The following HSH2D variants were observed in gnomAD, a reference collection of about 807,000 sequenced individuals.
HSH2D encodes the protein hematopoietic SH2 domain containing.
Under a neutral mutation model 21.5 loss-of-function variants are expected in HSH2D, and 16 were observed. That is an observed-to-expected ratio of 0.74 (90% CI 0.50 to 1.13). HSH2D has a LOEUF of 1.13. Among genes scored for constraint, HSH2D ranks in the 50% most tolerant of loss-of-function variants. The pLI is 0.00. For missense variants in HSH2D, 418 were observed against 441.4 expected, an observed-to-expected ratio of 0.95 and a Z score of 0.47; for synonymous variants, 172 against 184.7, an observed-to-expected ratio of 0.93 and a Z score of 0.56.
chr19:16,140,897 A>C (rs1275560358), upstream of HSH2D, among the ~76,000 whole-genome samples: 1 of 151,922 alleles, frequency 6.6e-6, no homozygotes, highest in Non-Finnish European at 1.5e-5. Flanking sequence ...TCAAAAAAAA[A>C]AGAAGAAGAA....
At position 16,153,183 on chromosome 19, in the gene HSH2D, A is replaced by G; in HGVS notation, c.356A>G (p.Glu119Gly). The change falls in exon 4 of 6, where the codon GAG becomes GGG. Residue 119 changes from glutamate to glycine, a missense_variant. Coordinates refer to ENST00000613986, the MANE Select transcript of HSH2D (RefSeq NM_001382417.1). ...HQQKPIEPRR[E>G]LLTQPCRQKD... ...CAGAAGCCAATTGAGCCGCGCAGGG[A>G]GCTGCTGACACAGCCCTGCAGGCAG... 1 of 1,557,890 alleles carries G rather than the reference A, an allele frequency of 6.4e-7. No homozygotes were observed.
intron 1 of HSH2D, among the ~76,000 whole-genome samples, chr19:16,146,243 C>T (rs1387506724): frequency 3.9e-5 from 6 of 152,240 alleles, no homozygotes; most frequent in East Asian, 3.9e-4. Flanking sequence ...CCCATGGTAC[C>T]GCTTGCTTAA....
chr19:16,142,538 A>G (rs1454068109), upstream of HSH2D, among the ~76,000 whole-genome samples: 1 of 151,908 alleles, frequency 6.6e-6, no homozygotes, highest in East Asian at 1.9e-4. Flanking sequence ...ATCTCAGCAA[A>G]CCGCAACCTC....
rs867048971 is a variant in HSH2D at position 16,153,174 on chromosome 19, C to A, written c.347C>A (p.Pro116Gln). ...VTFHQQKPIE[P>Q]RRELLTQPCR... is the part of the protein sequence containing the mutation. The stretch of plus-strand genomic sequence containing the variant: ...TTCCACCAGCAGAAGCCAATTGAGC[C>A]GCGCAGGGAGCTGCTGACACAGCCC... The change falls in exon 4 of 6, where the codon CCG becomes CAG. Residue 116 changes from proline to glutamine, a missense_variant. Coordinates refer to ENST00000613986, the MANE Select transcript of HSH2D (RefSeq NM_001382417.1). The A allele has an allele frequency of 1.9e-6, 3 of 1,565,286 alleles. No individual in the cohort carries two copies. The highest frequency in any genetic ancestry group is 2.4e-5 in the East Asian group (1 of 42,350).
In HSH2D at chr19:16,153,078, T is replaced by C; in HGVS notation, c.251T>C (p.Leu84Pro). 1 of 1,611,190 alleles carries C rather than the reference T, an allele frequency of 6.2e-7. No individual in the cohort carries two copies. Among genetic ancestry groups the C allele is most frequent in the Non-Finnish European group, 8.5e-7 (1 of 1,178,866 alleles). The change falls in exon 4 of 6, where the codon CTC becomes CCC. Residue 84 changes from leucine (L) to proline (P), a missense_variant. Physicochemically the swap from Leu to Pro is moderately conservative, Grantham distance 98. Coordinates refer to ENST00000613986, the MANE Select transcript of HSH2D (RefSeq NM_001382417.1). ...AGCTGCTGCCATTTCATGGTGAAGC[T>C]CTTGGATGATGGGACTTTCATGATC... is the stretch of plus-strand genomic sequence containing the variant. ...QSSCCHFMVK[L>P]LDDGTFMIPG...
chr19:16,151,323 C>A (rs1040177281), intron 2 of HSH2D: 3 of 238,432 alleles, frequency 1.3e-5, no homozygotes, highest in Non-Finnish European at 1.6e-5. Flanking sequence ...AAAACTCCAA[C>A]TCAAAAAAAA....
chr19:16,152,440 GA>G, intron 2 of HSH2D, 111 bp from the exon 3 acceptor site: 1 of 531,796 alleles, frequency 1.9e-6, no homozygotes, highest in Non-Finnish European at 3.0e-6. Flanking sequence ...AAGGAAAAAA[GA>G]AAAATGAAAA....
intron 3 of HSH2D, 63 bp from the exon 4 acceptor site, chr19:16,152,980 C>A: frequency 6.4e-7 from 1 of 1,563,028 alleles, no homozygotes; most frequent in Non-Finnish European, 8.7e-7. Flanking sequence ...GGCCCAAGGG[C>A]TGGGGACTTG....
At chr19:16,154,086 A>G (rs561786240) in intron 4 of HSH2D, among the ~76,000 whole-genome samples, 1 of 137,556 alleles carries the variant, frequency 7.3e-6, no homozygotes, top group East Asian at 2.0e-4. Context: ...TATAGGACTC[A>G]GTGGGCCTGA....
chr19:16,153,224 C>G lies in HSH2D; in HGVS notation c.381+16C>G, dbSNP rs1415570866. ...CTGCAGGCAGGTGAGGGCGGGGACC[C>G]ACAAGGTTCACAGCCATTTCCTTGG... On this transcript the variant is annotated intron_variant, in intron 4 of 5. Transcript: ENST00000613986. The G allele has an allele frequency of 6.7e-7, 1 of 1,498,868 alleles. No individual in the cohort carries two copies. Among genetic ancestry groups the G allele is most frequent in the African/African-American group, 1.4e-5 (1 of 71,624 alleles). 92.8% of individuals were successfully genotyped at this position (1,498,868 alleles called of 1,614,324 possible). A position where few individuals can be genotyped will look rare whatever the true frequency, so the allele number is the denominator to read the frequency against.
rs376039892 is a variant in HSH2D, at chr19:16,154,422, C to T, written c.405C>T (p.Tyr135=). The T allele has an allele frequency of 3.2e-6, 5 of 1,551,350 alleles. No homozygotes were observed. In the African/African-American group the frequency reaches 5.5e-5, roughly 17 times the overall value. ...AGAAGGATCCCGCAAACGTGGATTACGAGGATCTCTTCCTCTACTCCAACG... is the reference window on the plus strand; with the variant it reads ...AGAAGGATCCCGCAAACGTGGATTATGAGGATCTCTTCCTCTACTCCAACG... ...CRQKDPANVD[Y]EDLFLYSNAV... Residue 135 remains tyrosine (Y), a synonymous_variant, in exon 5 of 6, where the codon TAC becomes TAT. Coordinates refer to ENST00000613986, the MANE Select transcript of HSH2D (RefSeq NM_001382417.1).
At chr19:16,152,757 G>A (rs2091176411) in intron 3 of HSH2D, 116 bp downstream of exon 3, 1 of 846,682 alleles carries the variant, frequency 1.2e-6, no homozygotes, top group African/African-American at 1.7e-5. Flanking sequence ...CTGAGGCTGT[G>A]GATCTGAGAA....
At chr19:16,151,622 C>T in intron 2 of HSH2D, 1 of 455,708 alleles carries the variant, frequency 2.2e-6, no homozygotes, top group Non-Finnish European at 4.4e-6. Flanking sequence ...CCCAAAGGTG[C>T]CTTAATCGGG....
At chr19:16,153,313 C>G in intron 4 of HSH2D, 105 bp downstream of exon 4, 1 of 1,149,326 alleles carries the variant, frequency 8.7e-7, no homozygotes, top group South Asian at 1.7e-5. Flanking sequence ...TTCTGTCACT[C>G]TCATGGTCCT....
chr19:16,153,995 T>C (rs2091202743), intron 4 of HSH2D, among the ~76,000 whole-genome samples: 1 of 147,356 alleles, frequency 6.8e-6, no homozygotes, highest in Non-Finnish European at 1.5e-5. Context: ...GAAATTGTGG[T>C]AGGTGGGGCA....
intron 1 of HSH2D, among the ~76,000 whole-genome samples, chr19:16,136,655 A>G (rs568319419): frequency 3.9e-5 from 6 of 152,292 alleles, no homozygotes; most frequent in African/African-American, 1.2e-4. Flanking sequence ...CCTGGGTGCC[A>G]GGCAAGACCA....
chr19:16,150,920 T>C (rs1289772360), intron 2 of HSH2D, among the ~76,000 whole-genome samples: 1 of 152,194 alleles, frequency 6.6e-6, no homozygotes, highest in African/African-American at 2.4e-5. Flanking sequence ...TGGAAATCAG[T>C]ACAAAAGGCC....
intron 1 of HSH2D, among the ~76,000 whole-genome samples, chr19:16,144,615 C>G (rs2091038482): frequency 6.6e-6 from 1 of 150,916 alleles, no homozygotes; most frequent in Non-Finnish European, 1.5e-5. Context: ...AGTGACTTAT[C>G]TGAGGTCACA....
At chr19:16,151,676 T>TCTGGCCTG in intron 2 of HSH2D, 1 of 443,028 alleles carries the variant, frequency 2.3e-6, no homozygotes. Context: ...TGGGAGGAGG[T>TCTGGCCTG]CTGGCCTGAG....
Sources: gnomAD v4.1 joint callset for allele counts (sites outside exome capture counted in the v4.1 genomes callset) on GRCh38, gnomAD v4.1.1 for gene constraint, MANE v1.5 for transcripts, NCBI Gene and HGNC (gene_info 2026-07-23, HGNC 2026-07-21) for gene names.